GALNT17: variants seen among roughly 807,000 people sequenced by gnomAD.
GALNT17 encodes UDP-GalNAc:polypeptide N-acetylgalactosaminyltransferase-like 3.
A neutral mutation model predicts 63.7 loss-of-function variants in GALNT17; 29 were observed. The ratio of observed to expected loss-of-function variants is 0.46; its 90% CI spans 0.34 to 0.62. GALNT17 has a LOEUF of 0.62. GALNT17 is among the 20% of genes least tolerant of loss of function. The pLI, the probability that GALNT17 is intolerant of heterozygous loss-of-function variation, is 0.01. For missense variants in GALNT17, 603 were observed against 799.6 expected (o/e 0.75, Z 2.97); for synonymous variants, 305 against 318.3 (o/e 0.96, Z 0.45).
chr7:71,616,934 TATC>T (rs1165253063), intron 6 of GALNT17, among the ~76,000 whole-genome samples: 3 of 144,794 alleles, frequency 2.1e-5, no homozygotes, highest in African/African-American at 5.0e-5. Flanking sequence ...ATAATTATTA[TATC>T]ATATGGTTAA....
chr7:71,300,816 T>C (rs1305603368), intron 1 of GALNT17: 1 of 155,222 alleles, frequency 6.4e-6, no homozygotes, highest in Non-Finnish European at 1.4e-5. Context: ...GACTTGGGGC[T>C]GGCCTTGAAC....
intron 1 of GALNT17, among the ~76,000 whole-genome samples, chr7:71,304,712 AC>A (rs1791258597): frequency 6.7e-6 from 1 of 150,338 alleles, no homozygotes; most frequent in South Asian, 2.1e-4. Context: ...CTAAGTGAGA[AC>A]CCATTGCCAG....
rs1788633525 is a variant in GALNT17 at position 71,526,861 on chromosome 7, C to T, written c.963-44424C>T. 2.0e-5 allele frequency among the ~76,000 whole-genome samples: 3 copies of T among 152,170 alleles called. 1 individual carries two copies. The highest frequency in any genetic ancestry group is 4.1e-4 in the South Asian group (2 of 4,828). ...CTCCCTGACTGCCAGTGTCCAGATACAGCCTCAGCCCCTCTCAGTGCCAAC... is the reference window on the plus strand; with the variant it reads ...CTCCCTGACTGCCAGTGTCCAGATATAGCCTCAGCCCCTCTCAGTGCCAAC... On this transcript the variant is annotated intron_variant, in intron 5 of 10. Coordinates refer to ENST00000333538, the MANE Select transcript of GALNT17 (RefSeq NM_022479.3).
intron 2 of GALNT17, among the ~76,000 whole-genome samples, chr7:71,377,114 A>AAAAT: frequency 0.026 from 1,500 of 57,290 alleles, 206 homozygotes; most frequent in Non-Finnish European, 0.028. Flanking sequence ...AAATAAAAAA[A>AAAAT]ATATATATAT....
At chr7:71,649,612 AACAC>A (rs148658729) in intron 6 of GALNT17, among the ~76,000 whole-genome samples, 7,350 of 146,124 alleles carry the variant, frequency 0.05, 519 homozygotes, top group African/African-American at 0.16. Context: ...TTCAGGATTA[AACAC>A]ACACACACAC....
intron 5 of GALNT17, among the ~76,000 whole-genome samples, chr7:71,440,497 C>T (rs148574490): frequency 0.012 from 1,871 of 152,092 alleles, 43 homozygotes; most frequent in African/African-American, 0.043. Flanking sequence ...GCCTCAGCCT[C>T]CCAAGTAGCT....
At chr7:71,441,359 A>G (rs1242620138) in intron 5 of GALNT17, among the ~76,000 whole-genome samples, 1 of 152,116 alleles carries the variant, frequency 6.6e-6, no homozygotes, top group Non-Finnish European at 1.5e-5. Context: ...CTTCCAACCA[A>G]TGAACTATCT....
chr7:71,292,286 G>T (rs1001111337), intron 1 of GALNT17, among the ~76,000 whole-genome samples: 1 of 152,140 alleles, frequency 6.6e-6, no homozygotes, highest in Non-Finnish European at 1.5e-5. Flanking sequence ...AGAATACATA[G>T]GTTTTGCTGG....
intron 6 of GALNT17, among the ~76,000 whole-genome samples, chr7:71,595,744 A>C (rs2116925312): frequency 6.6e-6 from 1 of 151,782 alleles, no homozygotes; most frequent in Admixed American, 6.6e-5. Context: ...GTCAGGCAGC[A>C]ACACTGCCAT....
intron 7 of GALNT17, 36 bp downstream of exon 7, chr7:71,665,632 C>T (rs1790974377): frequency 1.9e-6 from 3 of 1,587,914 alleles, no homozygotes; most frequent in South Asian, 1.2e-5. Context: ...CACCCCAGTA[C>T]AGTGATCCTT....
intron 6 of GALNT17, among the ~76,000 whole-genome samples, chr7:71,628,614 T>G: frequency 6.6e-6 from 1 of 151,690 alleles, no homozygotes; most frequent in African/African-American, 2.4e-5. Flanking sequence ...TGAGCCACCA[T>G]GCCCAGCCAA....
At chr7:71,654,349 G>A (rs1037131677) in intron 6 of GALNT17, among the ~76,000 whole-genome samples, 3 of 152,148 alleles carry the variant, frequency 2.0e-5, no homozygotes, top group African/African-American at 7.2e-5. Flanking sequence ...ATGGGAGAGG[G>A]ATATGGGGAA....
intron 1 of GALNT17, among the ~76,000 whole-genome samples, chr7:71,312,324 C>T (rs1253409340): frequency 2.0e-5 from 3 of 152,186 alleles, no homozygotes; most frequent in African/African-American, 7.2e-5. Flanking sequence ...CAGGCCAAGT[C>T]CCAACTTTGG....
chr7:71,163,325 T>G (rs1209259501), intron 1 of GALNT17, among the ~76,000 whole-genome samples: 1 of 152,170 alleles, frequency 6.6e-6, no homozygotes, highest in Non-Finnish European at 1.5e-5. Context: ...GATGTACTAT[T>G]CTAGATCTAG....
chr7:71,205,133 T>G (rs1355736372), intron 1 of GALNT17, among the ~76,000 whole-genome samples: 8 of 150,340 alleles, frequency 5.3e-5, no homozygotes, highest in Non-Finnish European at 1.2e-4. Flanking sequence ...TTATTTTATT[T>G]TTTATTTTTT....
chr7:71,682,436 A>G (rs548488033), intron 9 of GALNT17, among the ~76,000 whole-genome samples: 4 of 152,162 alleles, frequency 2.6e-5, no homozygotes, highest in African/African-American at 7.2e-5. Context: ...TGGAGCCTTT[A>G]TTCCTCTATA....
intron 1 of GALNT17, among the ~76,000 whole-genome samples, chr7:71,182,996 A>C (rs546450491): frequency 6.6e-6 from 1 of 152,200 alleles, no homozygotes; most frequent in East Asian, 1.9e-4. Flanking sequence ...CAGACCGTGT[A>C]CATTTCATGC....
intron 2 of GALNT17, among the ~76,000 whole-genome samples, chr7:71,358,274 T>A (rs1792329042): frequency 6.6e-6 from 1 of 152,186 alleles, no homozygotes; most frequent in Non-Finnish European, 1.5e-5. Flanking sequence ...CAGGTGCCTG[T>A]AATCCCAGCT....
chr7:71,639,432 A>G (rs1319364170), intron 6 of GALNT17, among the ~76,000 whole-genome samples: 1 of 152,138 alleles, frequency 6.6e-6, no homozygotes, highest in African/African-American at 2.4e-5. Flanking sequence ...GGCTGTGCCT[A>G]CTGGTGTCCC....
Sources: gnomAD v4.1 joint callset for allele counts (sites outside exome capture counted in the v4.1 genomes callset) on GRCh38, gnomAD v4.1.1 for gene constraint, MANE v1.5 for transcripts, NCBI Gene and HGNC (gene_info 2026-07-23, HGNC 2026-07-21) for gene names.